ADGRG2: variants seen among roughly 807,000 people sequenced by gnomAD.
ADGRG2 encodes adhesion G protein-coupled receptor G2, also known as G protein-coupled receptor 64.
In ADGRG2, 26 loss-of-function variants were observed where a neutral mutation model predicts 74.1. The ratio of observed to expected loss-of-function variants is 0.35; its 90% CI spans 0.26 to 0.49. ADGRG2 has a LOEUF of 0.49. Among genes scored for constraint, ADGRG2 ranks in the 20% least tolerant of loss-of-function variants. The pLI is 0.99. For synonymous variants in ADGRG2, 296 were observed against 295.2 expected, an observed-to-expected ratio of 1.00 and a Z score of -0.03; for missense variants, 619 against 763.1, an observed-to-expected ratio of 0.81 and a Z score of 2.22.
chrX:19,000,749 C>G (rs2060114918), intron 24 of ADGRG2, among the ~76,000 whole-genome samples: 1 of 88,051 alleles, frequency 1.1e-5, no homozygotes, highest in South Asian at 8.7e-4. Flanking sequence ...CCCCACCCCC[C>G]ACCCGGCCCC....
chrX:19,023,303 TG>T, intron 13 of ADGRG2, 112 bp downstream of exon 13: 1 of 436,194 alleles, frequency 2.3e-6, no homozygotes, highest in Admixed American at 4.3e-5. Context: ...GTCATTAATA[TG>T]TATTTATTTT....
chrX:19,106,096 C>G (rs763607308), intron 1 of ADGRG2, among the ~76,000 whole-genome samples: 3 of 110,862 alleles, frequency 2.7e-5, no homozygotes, highest in Non-Finnish European at 3.8e-5. Context: ...CCAGTCACCA[C>G]TGGGGGCAAT....
chrX:19,107,871 C>T (rs1000866906), intron 1 of ADGRG2, among the ~76,000 whole-genome samples: 6 of 108,192 alleles, frequency 5.5e-5, no homozygotes, highest in Non-Finnish European at 1.1e-4. Context: ...GAGGCTGAGG[C>T]GGGCGGATCA....
rs183211698 is a variant in ADGRG2 at position 19,055,697 on chromosome X, G to A, written c.118+13020C>T. On this transcript the variant is annotated intron_variant, in intron 3 of 28. Transcript: ENST00000379869. Reference sequence around the variant, plus strand: ...GAGCACGATGCGGCAGGCAAACGGGGAAAGAGAGAGAGTGATGGGAATCAG... The same window carrying A: ...GAGCACGATGCGGCAGGCAAACGGGAAAAGAGAGAGAGTGATGGGAATCAG... Among the ~76,000 whole-genome samples the A allele has an allele frequency of 4.6e-3, 510 of 110,263 alleles. 4 individuals carry two copies. The highest frequency in any genetic ancestry group is 0.016 in the African/African-American group (492 of 30,282).
rs1217451906 is a variant in ADGRG2 at position 18,999,296 on chromosome X, G to T, written c.2331-17C>A. ...ATCCAGCAGCTGGAGTTTGTGGAGG[G>T]GGGGAAACAGGGGAAAACATATTAT... On this transcript the variant is annotated splice_polypyrimidine_tract_variant and intron_variant, in intron 25 of 28. Coordinates refer to ENST00000379869, the MANE Select transcript of ADGRG2 (RefSeq NM_001079858.3). 3 of 1,143,051 alleles carry T rather than the reference G, an allele frequency of 2.6e-6. No individual in the cohort carries two copies. The highest frequency in any genetic ancestry group is 2.3e-6 in the Non-Finnish European group (2 of 851,814). 94.2% of individuals were successfully genotyped at this position (1,143,051 alleles called of 1,213,427 possible). A position where few individuals can be genotyped will look rare whatever the true frequency, so the allele number is the denominator to read the frequency against.
At chrX:19,107,609 T>A (rs985777385) in intron 1 of ADGRG2, among the ~76,000 whole-genome samples, 6 of 107,226 alleles carry the variant, frequency 5.6e-5, no homozygotes, top group Non-Finnish European at 9.6e-5. Context: ...GCAAAACACA[T>A]TCAGCAGTTC....
intron 3 of ADGRG2, among the ~76,000 whole-genome samples, chrX:19,059,422 G>GT (rs1057230329): frequency 1.8e-5 from 2 of 111,405 alleles, no homozygotes; most frequent in Admixed American, 9.5e-5. Flanking sequence ...TTGAGCTTCA[G>GT]TTTTCTCTTC....
At chrX:19,104,475 C>T (rs924714756) in intron 1 of ADGRG2, among the ~76,000 whole-genome samples, 12 of 112,046 alleles carry the variant, frequency 1.1e-4, no homozygotes, top group African/African-American at 3.2e-4. Context: ...TTTGGTGTCA[C>T]GCAGACAAAA....
chrX:19,114,166 C>A (rs1253910686), intron 1 of ADGRG2, among the ~76,000 whole-genome samples: 1 of 108,852 alleles, frequency 9.2e-6, no homozygotes. Context: ...AGTTTTTGAT[C>A]CATTAGGGGC....
chrX:19,064,997 G>A (rs753892843), intron 3 of ADGRG2, among the ~76,000 whole-genome samples: 15 of 110,801 alleles, frequency 1.4e-4, no homozygotes, highest in Non-Finnish European at 2.5e-4. Context: ...TGAGCAGGGC[G>A]TGGTGGCTCA....
chrX:19,099,939 G>A (rs1030292078), intron 1 of ADGRG2, among the ~76,000 whole-genome samples: 1 of 111,475 alleles, frequency 9.0e-6, no homozygotes, highest in African/African-American at 3.3e-5. Flanking sequence ...GGAGGCTGAG[G>A]TGGGAGGATC....
At chrX:19,025,551 G>A (rs2060682917) in intron 11 of ADGRG2, among the ~76,000 whole-genome samples, 1 of 110,759 alleles carries the variant, frequency 9.0e-6, no homozygotes, top group Non-Finnish European at 1.9e-5. Context: ...GTAATTAAGA[G>A]TAATTACAAG....
chrX:19,022,173 G>A (rs775729410), intron 13 of ADGRG2, among the ~76,000 whole-genome samples: 3 of 109,332 alleles, frequency 2.7e-5, no homozygotes, highest in Non-Finnish European at 5.7e-5. Context: ...CTGGGGCAGG[G>A]AGAATCACTT....
chrX:19,084,106 G>A (rs950271946), intron 1 of ADGRG2, among the ~76,000 whole-genome samples: 27 of 112,008 alleles, frequency 2.4e-4, no homozygotes, highest in Non-Finnish European at 1.7e-4. Flanking sequence ...TATACACCAT[G>A]GAAGACTATG....
chrX:19,014,959 A>G (rs1261536443), intron 15 of ADGRG2, among the ~76,000 whole-genome samples: 3 of 111,705 alleles, frequency 2.7e-5, no homozygotes, highest in Non-Finnish European at 5.6e-5. Context: ...ACATATGTGT[A>G]TATAGATTTC....
chrX:19,006,309 A>G (rs763200293), intron 20 of ADGRG2, 44 bp from the exon 21 acceptor site: 3 of 160,024 alleles, frequency 1.9e-5, no homozygotes, highest in Non-Finnish European at 3.1e-5. Flanking sequence ...TTACTGAACT[A>G]AAAAAAAAAA....
chrX:19,118,905 C>G (rs2062569588), intron 1 of ADGRG2, among the ~76,000 whole-genome samples: 1 of 112,231 alleles, frequency 8.9e-6, no homozygotes, highest in Non-Finnish European at 1.9e-5. Context: ...AGATAAACCT[C>G]AAATGCATTA....
intron 3 of ADGRG2, among the ~76,000 whole-genome samples, chrX:19,053,350 C>A (rs367738993): frequency 1.8e-5 from 2 of 110,435 alleles, no homozygotes; most frequent in South Asian, 7.8e-4. Flanking sequence ...GAGGATTTTG[C>A]GGGGCGGAGG....
chrX:19,055,953 C>T (rs1188172617), intron 3 of ADGRG2, among the ~76,000 whole-genome samples: 2 of 109,855 alleles, frequency 1.8e-5, no homozygotes, highest in Non-Finnish European at 1.9e-5. Context: ...AGGCTGGTCT[C>T]GAACCCCTGA....
Sources: allele counts gnomAD v4.1 joint callset (sites outside exome capture counted in the v4.1 genomes callset), GRCh38; gene constraint gnomAD v4.1.1; transcripts MANE v1.5; gene names NCBI Gene and HGNC (gene_info 2026-07-23, HGNC 2026-07-21).